The following GRIK4 variants were observed in gnomAD, a reference collection of about 807,000 sequenced individuals.
The protein encoded by GRIK4 is glutamate ionotropic receptor kainate type subunit 4.
Under a neutral mutation model 104.9 loss-of-function variants are expected in GRIK4, and 40 were observed. The ratio of observed to expected loss-of-function variants is 0.38; its 90% CI spans 0.30 to 0.50. GRIK4 has a LOEUF of 0.50. GRIK4 is among the 20% of genes least tolerant of loss of function. GRIK4 has a pLI of 0.93. For synonymous variants in GRIK4, 485 were observed against 524.9 expected (o/e 0.92, Z 1.04); for missense variants, 1,047 against 1,308.1 (o/e 0.80, Z 3.08).
chr11:120,892,250 TGGAGAGTG>T, intron 11 of GRIK4, among the ~76,000 whole-genome samples: 1 of 152,124 alleles, frequency 6.6e-6, no homozygotes, highest in East Asian at 1.9e-4. Context: ...GAGAAGAGGA[TGGAGAGTG>T]GGCAAAGGAC....
intron 9 of GRIK4, 167 bp from the exon 10 acceptor site, chr11:120,873,899 C>T (rs760210242): frequency 3.4e-6 from 2 of 596,142 alleles, no homozygotes; most frequent in Non-Finnish European, 5.9e-6. Context: ...TGAAGTAGAG[C>T]TGGCCCAGAG....
rs144567007 is a variant in GRIK4 at position 120,863,111 on chromosome 11, T to C, written c.906+991T>C. ...GTTCCACTGTGCATCTCTCTAGGAC[T>C]GTCATTTCCTTGCCACGCTGTACTG... On this transcript the variant is annotated intron_variant, in intron 9 of 20. Coordinates refer to ENST00000527524, the MANE Select transcript of GRIK4 (RefSeq NM_014619.5). 1.8e-3 allele frequency among the ~76,000 whole-genome samples: 272 copies of C among 152,376 alleles called. 1 individual carries two copies. Among genetic ancestry groups the C allele is most frequent in the Non-Finnish European group, 2.6e-3 (179 of 68,044 alleles).
intron 1 of GRIK4, among the ~76,000 whole-genome samples, chr11:120,539,738 C>T (rs927074808): frequency 2.6e-5 from 4 of 152,312 alleles, no homozygotes; most frequent in South Asian, 4.1e-4. Flanking sequence ...ACAAGCAAAA[C>T]GCCTCCATTG....
intron 3 of GRIK4, among the ~76,000 whole-genome samples, chr11:120,732,795 G>A (rs914119776): frequency 7.2e-5 from 11 of 152,332 alleles, no homozygotes; most frequent in Admixed American, 1.3e-4. Flanking sequence ...GTGCTGAGAA[G>A]AAGAATGTGT....
At chr11:120,517,722 G>A (rs72998720) in intron 1 of GRIK4, among the ~76,000 whole-genome samples, 27,457 of 151,896 alleles carry the variant, frequency 0.18, 2,776 homozygotes, top group Middle Eastern at 0.27. Context: ...TCTACTTCAC[G>A]GAGCTCCCAG....
chr11:120,579,840 C>A (rs1408327265), intron 1 of GRIK4, among the ~76,000 whole-genome samples: 7 of 152,156 alleles, frequency 4.6e-5, no homozygotes, highest in African/African-American at 1.7e-4. Context: ...TAACCACCAC[C>A]ACAATCAAGA....
At chr11:120,718,637 T>G (rs1337042799) in intron 3 of GRIK4, among the ~76,000 whole-genome samples, 1 of 152,190 alleles carries the variant, frequency 6.6e-6, no homozygotes, top group African/African-American at 2.4e-5. Context: ...TTGAGCATTG[T>G]CTGTACGCTG....
At chr11:120,636,835 G>A (rs559501216) in intron 1 of GRIK4, among the ~76,000 whole-genome samples, 128 of 138,254 alleles carry the variant, frequency 9.3e-4, no homozygotes, top group African/African-American at 3.5e-3. Flanking sequence ...GTGAGACTCC[G>A]TCTCAAAAAA....
chr11:120,661,522 A>G (rs1186769928), intron 3 of GRIK4, among the ~76,000 whole-genome samples: 1 of 152,222 alleles, frequency 6.6e-6, no homozygotes, highest in African/African-American at 2.4e-5. Context: ...GACTTAGAGC[A>G]AAGATGGCAC....
chr11:120,695,492 C>T (rs1461585500), intron 3 of GRIK4, among the ~76,000 whole-genome samples: 1 of 152,226 alleles, frequency 6.6e-6, no homozygotes, highest in Non-Finnish European at 1.5e-5. Context: ...TTTCTTTGCC[C>T]ATATCAAGAT....
At chr11:120,964,763 T>G (rs1007026488) in intron 18 of GRIK4, among the ~76,000 whole-genome samples, 113 of 152,180 alleles carry the variant, frequency 7.4e-4, no homozygotes, top group African/African-American at 2.5e-3. Flanking sequence ...TCTCACTTAA[T>G]AGTCCCCCCT....
intron 1 of GRIK4, chr11:120,515,070 G>A (rs1019781766): frequency 4.4e-6 from 2 of 456,234 alleles, no homozygotes; most frequent in African/African-American, 2.0e-5. Flanking sequence ...AAGGCCCTCT[G>A]CACGCTGACC....
At chr11:120,859,778 C>T (rs1297635802) in intron 8 of GRIK4, among the ~76,000 whole-genome samples, 3 of 152,262 alleles carry the variant, frequency 2.0e-5, no homozygotes, top group Non-Finnish European at 4.4e-5. Context: ...GTGTAGGAAT[C>T]AATACATTCT....
intron 3 of GRIK4, among the ~76,000 whole-genome samples, chr11:120,683,383 G>C (rs1307316262): frequency 6.6e-6 from 1 of 152,146 alleles, no homozygotes; most frequent in Non-Finnish European, 1.5e-5. Context: ...GGGAAGAAGG[G>C]AGGAGAGACC....
At chr11:120,708,248 T>C (rs1950663012) in intron 3 of GRIK4, among the ~76,000 whole-genome samples, 1 of 152,174 alleles carries the variant, frequency 6.6e-6, no homozygotes, top group Admixed American at 6.5e-5. Context: ...AATCTTGCCA[T>C]GGGCACGTGG....
chr11:120,832,496 T>C (rs375344980), intron 7 of GRIK4, among the ~76,000 whole-genome samples: 1 of 152,202 alleles, frequency 6.6e-6, no homozygotes, highest in Non-Finnish European at 1.5e-5. Flanking sequence ...AGCACTTCTG[T>C]GTAGTCGATC....
Position 120,524,652 on chromosome 11 carries a change from C to T in GRIK4, c.-159+12765C>T, listed in dbSNP as rs188854551. 3.3e-5 allele frequency among the ~76,000 whole-genome samples: 5 copies of T among 152,246 alleles called. No individual in the cohort carries two copies. Among genetic ancestry groups the T allele is most frequent in the African/African-American group, 9.6e-5 (4 of 41,556 alleles). ...GCAAAGGTGGCGTTTGGGCTGACAG[C>T]GCTAACTTCTGGATCAGGCTGTGGG... On this transcript the variant is annotated intron_variant, in intron 1 of 20. Transcript: ENST00000527524. This position sits in a 1 kb window ranked among gnomAD's most constrained non-coding sequence, Gnocchi z 4.5.
At chr11:120,587,539 T>C (rs564034025) in intron 1 of GRIK4, among the ~76,000 whole-genome samples, 7 of 152,278 alleles carry the variant, frequency 4.6e-5, no homozygotes, top group African/African-American at 1.7e-4. Flanking sequence ...GTCAGACATA[T>C]GTAGTTATTA....
chr11:120,729,857 G>A (rs1425449317), intron 3 of GRIK4, among the ~76,000 whole-genome samples: 1 of 152,180 alleles, frequency 6.6e-6, no homozygotes, highest in Non-Finnish European at 1.5e-5. Context: ...GTCCTGGAGA[G>A]TTTCTCCAGT....
Sources: allele counts gnomAD v4.1 joint callset (sites outside exome capture counted in the v4.1 genomes callset), GRCh38; gene constraint gnomAD v4.1.1; non-coding constraint Gnocchi (gnomAD v3.1); transcripts MANE v1.5; gene names NCBI Gene and HGNC (gene_info 2026-07-23, HGNC 2026-07-21).